Variants in LRP1B observed in about 807,000 individuals in gnomAD.
The protein encoded by LRP1B is low-density lipoprotein receptor-related protein 1B.
A neutral mutation model predicts 556.6 loss-of-function variants in LRP1B; 217 were observed. That is an observed-to-expected ratio of 0.39 (90% CI 0.35 to 0.44). LRP1B has a LOEUF of 0.44. Among genes scored for constraint, LRP1B ranks in the 20% least tolerant of loss-of-function variants. The pLI is 1.00. For synonymous variants in LRP1B, 2,047 were observed against 1,865.8 expected, an observed-to-expected ratio of 1.10 and a Z score of -2.50; for missense variants, 5,053 against 5,620.8, an observed-to-expected ratio of 0.90 and a Z score of 3.23.
At chr2:140,927,935 G>A (rs573978128) in intron 20 of LRP1B, among the ~76,000 whole-genome samples, 1 of 151,020 alleles carries the variant, frequency 6.6e-6, no homozygotes, top group Non-Finnish European at 1.5e-5. Flanking sequence ...TTGTAGAGGC[G>A]AGGTTTCACC....
At chr2:140,889,071 C>G (rs1005168064) in intron 23 of LRP1B, among the ~76,000 whole-genome samples, 1 of 151,296 alleles carries the variant, frequency 6.6e-6, no homozygotes, top group African/African-American at 2.4e-5. Context: ...ACCTACAAGA[C>G]TAAAAGTAAT....
chr2:141,996,913 GT>G (rs1180014033), intron 1 of LRP1B, among the ~76,000 whole-genome samples: 1 of 152,086 alleles, frequency 6.6e-6, no homozygotes, highest in Non-Finnish European at 1.5e-5. Context: ...ATAAATAATT[GT>G]TTTTCTTGAG....
At chr2:141,301,030 T>C (rs192427573) in intron 3 of LRP1B, among the ~76,000 whole-genome samples, 28 of 152,138 alleles carry the variant, frequency 1.8e-4, no homozygotes, top group African/African-American at 6.8e-4. Flanking sequence ...TCAATATTTA[T>C]TATTGTCCAA....
At chr2:142,027,616 C>T (rs1016703842) in intron 1 of LRP1B, among the ~76,000 whole-genome samples, 1 of 151,678 alleles carries the variant, frequency 6.6e-6, no homozygotes, top group African/African-American at 2.4e-5. Context: ...ATTTATTTCT[C>T]ACAATAATCC....
At chr2:140,771,697 T>C (rs1233965542) in intron 33 of LRP1B, among the ~76,000 whole-genome samples, 4 of 152,174 alleles carry the variant, frequency 2.6e-5, no homozygotes, top group African/African-American at 9.7e-5. Flanking sequence ...CTAGGCCCAG[T>C]GTGCTAATTA....
At chr2:142,006,178 T>C (rs552955554) in intron 1 of LRP1B, among the ~76,000 whole-genome samples, 13 of 152,306 alleles carry the variant, frequency 8.5e-5, no homozygotes, top group Non-Finnish European at 1.9e-4. Flanking sequence ...TCCTTGCATG[T>C]TTTAAGTTTC....
In LRP1B at chr2:141,886,964, C is replaced by CT. The variant is rs66668893; in HGVS notation, c.83-76564dup. On this transcript the variant is annotated intron_variant, in intron 1 of 90. Transcript: ENST00000389484. ...GAGGGGATGGTTGATTTTTCTTTTTCTTTTTTTTTTTTTTTGGGTTTTTTG... is the reference window on the plus strand; with the variant it reads ...GAGGGGATGGTTGATTTTTCTTTTTCTTTTTTTTTTTTTTTTGGGTTTTTTG... 1.4e-3 allele frequency among the ~76,000 whole-genome samples: 194 copies of CT among 142,244 alleles called. 2 individuals carry two copies. The highest frequency in any genetic ancestry group is 4.8e-4 in the Non-Finnish European group (31 of 64,722). 93.3% of individuals were successfully genotyped at this position (142,244 alleles called of 152,430 possible).
chr2:141,522,614 C>A (rs945163794), intron 2 of LRP1B, among the ~76,000 whole-genome samples: 1 of 152,036 alleles, frequency 6.6e-6, no homozygotes, highest in African/African-American at 2.4e-5. Flanking sequence ...GAGTCAGACT[C>A]GGGGAGATCT....
At chr2:141,660,756 G>A (rs1690186534) in intron 2 of LRP1B, among the ~76,000 whole-genome samples, 1 of 152,108 alleles carries the variant, frequency 6.6e-6, no homozygotes, top group Admixed American at 6.5e-5. Context: ...TGCTGGCTCT[G>A]AAAAATCCGG....
intron 2 of LRP1B, among the ~76,000 whole-genome samples, chr2:141,759,224 A>G (rs1259628236): frequency 6.6e-6 from 1 of 152,210 alleles, no homozygotes; most frequent in East Asian, 1.9e-4. Flanking sequence ...ACAGATGGAA[A>G]GTAGTAAGAA....
At position 141,848,593 on chromosome 2, in the gene LRP1B, A is replaced by G. The variant is rs147709323; in HGVS notation, c.83-38192T>C. Among the ~76,000 whole-genome samples the G allele has an allele frequency of 2.2e-3, 333 of 151,688 alleles. 5 individuals are homozygous for G. The highest frequency in any genetic ancestry group is 0.016 in the Admixed American group (241 of 15,154). ...TAAAATACAGAATGAAAAATATAAG[A>G]AAGATAATTATCTTTATAACAATAC... On this transcript the variant is annotated intron_variant, in intron 1 of 90. Transcript: ENST00000389484.
In LRP1B at chr2:142,107,834, C is replaced by T. The variant is rs909383242; in HGVS notation, c.82+22814G>A. ...TTTTTTTTTGTATTTTTAGTAGAGA[C>T]AGGGTTTCACCGTGTTGGCTTGGCT... On this transcript the variant is annotated intron_variant, in intron 1 of 90. Transcript: ENST00000389484. Among the ~76,000 whole-genome samples the T allele has an allele frequency of 1.2e-4, 15 of 125,390 alleles. No homozygotes were observed. The East Asian group carries it at 1.4e-3, about 12-fold the overall frequency. The allele number at this position is 125,390 out of a possible 152,430, so 82.3% of individuals were successfully genotyped here.
At chr2:140,902,753 A>AT (rs1440061978) in intron 23 of LRP1B, among the ~76,000 whole-genome samples, 167 bp downstream of exon 23, 1 of 152,186 alleles carries the variant, frequency 6.6e-6, no homozygotes, top group East Asian at 1.9e-4. Flanking sequence ...GGATTATTAT[A>AT]TTTTCTCTCT....
intron 7 of LRP1B, among the ~76,000 whole-genome samples, chr2:141,141,162 A>G (rs1224957454): frequency 6.6e-6 from 1 of 152,190 alleles, no homozygotes; most frequent in Non-Finnish European, 1.5e-5. Flanking sequence ...AATACAGAAG[A>G]TTTATAAGAA....
At chr2:140,579,633 G>A (rs770736325) in intron 43 of LRP1B, among the ~76,000 whole-genome samples, 28 of 152,112 alleles carry the variant, frequency 1.8e-4, no homozygotes, top group Non-Finnish European at 3.8e-4. Flanking sequence ...CCTGAGGTCA[G>A]GAGTTCAAGA....
chr2:141,173,529 T>C (rs1030465552), intron 7 of LRP1B, among the ~76,000 whole-genome samples: 2 of 152,092 alleles, frequency 1.3e-5, no homozygotes, highest in African/African-American at 2.4e-5. Flanking sequence ...ATCAGTGCTC[T>C]AGGGATGACA....
intron 27 of LRP1B, among the ~76,000 whole-genome samples, chr2:140,856,459 T>TGTTG: frequency 6.6e-6 from 1 of 152,232 alleles, no homozygotes; most frequent in East Asian, 1.9e-4. Context: ...TATTAGTATG[T>TGTTG]GTTGGTCTTT....
At chr2:141,659,996 G>T (rs898944971) in intron 2 of LRP1B, among the ~76,000 whole-genome samples, 1 of 152,142 alleles carries the variant, frequency 6.6e-6, no homozygotes, top group Non-Finnish European at 1.5e-5. Context: ...ATTGACAAAG[G>T]AGAAAATCCC....
intron 1 of LRP1B, among the ~76,000 whole-genome samples, chr2:141,966,653 CG>C (rs1558992133): frequency 6.6e-6 from 1 of 151,512 alleles, no homozygotes; most frequent in African/African-American, 2.4e-5. Context: ...GAATCCATCT[CG>C]GGGGGCTGCT....
Sources: gnomAD v4.1 joint callset for allele counts (sites outside exome capture counted in the v4.1 genomes callset) on GRCh38, gnomAD v4.1.1 for gene constraint, MANE v1.5 for transcripts, NCBI Gene and HGNC (gene_info 2026-07-23, HGNC 2026-07-21) for gene names.